TGM6: variants seen among roughly 807,000 people sequenced by gnomAD.
TGM6 encodes protein-glutamine gamma-glutamyltransferase 6.
In TGM6, 74 loss-of-function variants were observed where a neutral mutation model predicts 77.5. The ratio of observed to expected loss-of-function variants is 0.96; its 90% confidence interval spans 0.79 to 1.16. The LOEUF is 1.16. Ranked by LOEUF, TGM6 falls within the 50% of genes most tolerant of loss-of-function variation. The pLI, the probability that TGM6 is intolerant of heterozygous loss-of-function variation, is 0.00. For synonymous variants in TGM6, 383 were observed against 378.9 expected (o/e 1.01, Z -0.12); for missense variants, 968 against 940.2 (o/e 1.03, Z -0.39).
At chr20:2,408,793 G>A (rs1447589261) in intron 9 of TGM6, among the ~76,000 whole-genome samples, 2 of 152,188 alleles carry the variant, frequency 1.3e-5, no homozygotes, top group Non-Finnish European at 2.9e-5. Flanking sequence ...TGAACAAAAT[G>A]CGTATGATCT....
chr20:2,431,331 G>T (rs901736404), intron 12 of TGM6, among the ~76,000 whole-genome samples: 4 of 151,844 alleles, frequency 2.6e-5, no homozygotes, highest in Non-Finnish European at 5.9e-5. Flanking sequence ...ATTCATTCAT[G>T]CATTCTTCAA....
At chr20:2,389,167 T>C (rs566916702) in intron 1 of TGM6, among the ~76,000 whole-genome samples, 1 of 152,232 alleles carries the variant, frequency 6.6e-6, no homozygotes, top group South Asian at 2.1e-4. Flanking sequence ...CTCAGGTCAC[T>C]TGCTCAGGGG....
intron 9 of TGM6, 92 bp from the exon 10 acceptor site, chr20:2,417,140 G>A: frequency 8.6e-7 from 1 of 1,168,786 alleles, no homozygotes; most frequent in Non-Finnish European, 1.2e-6. Flanking sequence ...GTGTGCATAT[G>A]GCTCTTGAAC....
rs952759573 is a variant in TGM6 at position 2,417,493 on chromosome 20, G to A, written c.1598G>A (p.Gly533Asp). The change falls in exon 10 of 13, where the codon GGT (glycine) becomes GAT (aspartate). Residue 533 changes from glycine (G) to aspartate (D), a missense_variant. Transcript: ENST00000202625. Reference protein sequence around the residue: ...RAQRVRVNLSGATILYTRKPV... With the variant: ...RAQRVRVNLSDATILYTRKPV... ...CAGCGGGTGAGGGTCAACCTGAGCGGTGCCACCATCCTCTATACCCGCAAG... is the reference window on the plus strand; with the variant it reads ...CAGCGGGTGAGGGTCAACCTGAGCGATGCCACCATCCTCTATACCCGCAAG... 1 of 1,608,612 alleles carries A rather than the reference G, an allele frequency of 6.2e-7. No homozygotes were observed. Among genetic ancestry groups the A allele is most frequent in the Non-Finnish European group, 8.5e-7 (1 of 1,179,888 alleles).
intron 5 of TGM6, 27 bp downstream of exon 5, chr20:2,398,073 T>A: frequency 3.1e-6 from 5 of 1,614,102 alleles, no homozygotes; most frequent in Non-Finnish European, 4.2e-6. Context: ...TCCCTGCACA[T>A]GTACTTCCTC....
intron 10 of TGM6, among the ~76,000 whole-genome samples, chr20:2,418,331 G>A (rs1599963256): frequency 1.3e-5 from 2 of 152,342 alleles, no homozygotes; most frequent in Admixed American, 1.3e-4. Context: ...AATGTGCCAA[G>A]TCCTGTCCCA....
At chr20:2,397,872 T>C (rs1192140775) in intron 4 of TGM6, 46 bp from the exon 5 acceptor site, 1 of 1,613,992 alleles carries the variant, frequency 6.2e-7, no homozygotes, top group Non-Finnish European at 8.5e-7. Context: ...GCCTGGAATA[T>C]GGGTGACTGA....
intron 10 of TGM6, among the ~76,000 whole-genome samples, chr20:2,425,283 GT>G (rs2084880278): frequency 6.6e-6 from 1 of 151,912 alleles, no homozygotes; most frequent in Non-Finnish European, 1.5e-5. Flanking sequence ...AGAGCTGGAA[GT>G]TTGCAGTGAG....
chr20:2,403,852 C>A (rs1479446086), intron 9 of TGM6, 29 bp downstream of exon 9: 2 of 1,613,640 alleles, frequency 1.2e-6, no homozygotes, highest in African/African-American at 2.7e-5. Flanking sequence ...CCTTTATTAC[C>A]TTCCCCCGGA....
chr20:2,387,705 C>T (rs2084605204), intron 1 of TGM6, among the ~76,000 whole-genome samples: 1 of 152,194 alleles, frequency 6.6e-6, no homozygotes, highest in Admixed American at 6.5e-5. Flanking sequence ...GTTTTCAATT[C>T]CTGTGTAGCA....
intron 1 of TGM6, among the ~76,000 whole-genome samples, chr20:2,390,114 G>T (rs2084620797): frequency 6.6e-6 from 1 of 152,066 alleles, no homozygotes; most frequent in African/African-American, 2.4e-5. Context: ...TTGTCTTCCC[G>T]AGATGTTCCG....
intron 1 of TGM6, among the ~76,000 whole-genome samples, chr20:2,386,444 A>T (rs548568469): frequency 1.3e-5 from 2 of 152,108 alleles, no homozygotes; most frequent in Non-Finnish European, 2.9e-5. Context: ...GCAAAACCCC[A>T]TCAAGGAGCA....
chr20:2,405,126 G>A (rs1347039672), intron 9 of TGM6, among the ~76,000 whole-genome samples: 1 of 152,176 alleles, frequency 6.6e-6, no homozygotes. Flanking sequence ...TGAGATGGCT[G>A]GGTCTGTGTT....
At position 2,432,511 on chromosome 20, in the gene TGM6, G is replaced by A. The variant is rs758596546; in HGVS notation, c.1989G>A (p.Gln663=). The A allele has an allele frequency of 2.5e-6, 4 of 1,614,100 alleles. No individual in the cohort carries two copies. The South Asian group carries it at 3.3e-5, about 13-fold the overall frequency. ...LSIDVPTLEP[Q]ERASVQFDIT... is the part of the protein sequence containing the mutation. ...CCAGCGTGCCTACCCTGGAGCCTCA[G>A]GAGAGGGCCTCAGTCCAGTTTGACA... is the stretch of plus-strand genomic sequence containing the variant. The change falls in exon 13 of 13, where the codon CAG becomes CAA. Residue 663 remains glutamine, a synonymous_variant. Transcript: ENST00000202625.
intron 7 of TGM6, among the ~76,000 whole-genome samples, chr20:2,402,505 T>C (rs2122372113): frequency 6.6e-6 from 1 of 152,302 alleles, no homozygotes; most frequent in Non-Finnish European, 1.5e-5. Context: ...AGACACTTCA[T>C]TTTGATGTTG....
At position 2,404,036 on chromosome 20, in the gene TGM6, GA is replaced by G. The variant is rs2084733441; in HGVS notation, c.1336+215del. On this transcript the variant is annotated intron_variant, in intron 9 of 12. Transcript: ENST00000202625. ...TTTGCTAAGCACCTCTTCTACCTTA[GA>G]AGATTTCCCATTTGTAATAATAATA... 2.6e-5 allele frequency among the ~76,000 whole-genome samples: 4 copies of G among 152,346 alleles called. No homozygotes were observed. In the South Asian group the frequency reaches 8.3e-4, roughly 32 times the overall value.
chr20:2,418,985 G>A (rs1440740635), intron 10 of TGM6, among the ~76,000 whole-genome samples: 1 of 152,210 alleles, frequency 6.6e-6, no homozygotes, highest in Non-Finnish European at 1.5e-5. Context: ...GCTGAGGCAG[G>A]AGACTCACTT....
At chr20:2,414,944 G>GGC (rs1344738303) in intron 9 of TGM6, among the ~76,000 whole-genome samples, 1,091 of 97,362 alleles carry the variant, frequency 0.011, 51 homozygotes, top group African/African-American at 0.028. Flanking sequence ...TGGGGGGGGG[G>GGC]GTGAAAAAAC....
At chr20:2,410,246 T>A (rs1209591838) in intron 9 of TGM6, among the ~76,000 whole-genome samples, 1 of 152,172 alleles carries the variant, frequency 6.6e-6, no homozygotes, top group Non-Finnish European at 1.5e-5. Context: ...TATGATTTAA[T>A]CAGTCATGCC....
Sources: allele counts gnomAD v4.1 joint callset (sites outside exome capture counted in the v4.1 genomes callset), GRCh38; gene constraint gnomAD v4.1.1; transcripts MANE v1.5; gene names NCBI Gene and HGNC (gene_info 2026-07-23, HGNC 2026-07-21).